The following ZNF616 variants were observed in gnomAD, a reference collection of about 807,000 sequenced individuals.
The protein encoded by ZNF616 is zinc finger protein 616.
ZNF616 carries 5 observed loss-of-function variants against 7.6 expected under a neutral mutation model. The observed-to-expected ratio is 0.66, with a 90% CI of 0.34 to 1.38. The LOEUF (loss-of-function observed/expected upper bound fraction) is 1.38. Among genes scored for constraint, ZNF616 ranks in the 40% most tolerant of loss-of-function variants. ZNF616 has a pLI of 0.04. For missense variants in ZNF616, 913 were observed against 948.3 expected, an observed-to-expected ratio of 0.96 and a Z score of 0.49; for synonymous variants, 319 against 317.2, an observed-to-expected ratio of 1.01 and a Z score of -0.06.
chr19:52,119,093 T>C (rs563940968), intron 3 of ZNF616, among the ~76,000 whole-genome samples: 1 of 152,298 alleles, frequency 6.6e-6, no homozygotes, highest in Admixed American at 6.5e-5. Flanking sequence ...ATCTGAGTCA[T>C]CATTCCCTGC....
In ZNF616 at chr19:52,113,362, C is replaced by T. The variant is rs2088787567; in HGVS notation, c.*1456G>A. On this transcript the variant is annotated 3_prime_UTR_variant, in exon 4 of 4. Transcript: ENST00000600228. The stretch of plus-strand genomic sequence containing the variant: ...GATAATTTGGTAAAGGCTGAAGACA[C>T]ACTACTGCTTCCAGGTCCTTTCATG... The T allele has an allele frequency of 6.6e-6, 1 of 152,208 alleles. No homozygotes were observed. Among genetic ancestry groups the T allele is most frequent in the African/African-American group, 2.4e-5 (1 of 41,458 alleles). 9.4% of individuals were successfully genotyped at this position (152,208 alleles called of 1,614,324 possible). A position where few individuals can be genotyped will look rare whatever the true frequency, so the allele number is the denominator to read the frequency against.
chr19:52,115,567 G>A lies in ZNF616; in HGVS notation c.1597C>T (p.Arg533Cys), dbSNP rs772991428. Residue 533 changes from arginine (R) to cysteine (C), a missense_variant, in exon 4 of 4, where the codon CGT becomes TGT. Coordinates refer to ENST00000600228, the MANE Select transcript of ZNF616 (RefSeq NM_178523.5). ...CKECGKVFSD[R>C]SAFARHRRIH... The stretch of plus-strand genomic sequence containing the variant: ...CTCCGATGCCTTGCAAAAGCTGAAC[G>A]GTCACTGAAGACCTTGCCACATTCT... 1.4e-5 allele frequency: 23 copies of A among 1,612,516 alleles called. No individual in the cohort carries two copies. The highest frequency in any genetic ancestry group is 1.7e-4 in the Middle Eastern group (1 of 6,058).
At chr19:52,127,574 T>TA (rs1484944164) in intron 2 of ZNF616, among the ~76,000 whole-genome samples, 2 of 152,156 alleles carry the variant, frequency 1.3e-5, no homozygotes, top group Admixed American at 6.5e-5. Context: ...TATTAGATCT[T>TA]AAAAAAACAC....
At position 52,116,050 on chromosome 19, in the gene ZNF616, G is replaced by C. The variant is rs201163492; in HGVS notation, c.1114C>G (p.Arg372Gly). 1.2e-6 allele frequency: 2 copies of C among 1,613,988 alleles called. No homozygotes were observed. The highest frequency in any genetic ancestry group is 2.2e-5 in the East Asian group (1 of 44,900). Residue 372 changes from arginine to glycine, a missense_variant, in exon 4 of 4, where the codon CGG becomes GGG. By Grantham distance (125) the Arg-to-Gly change is moderately radical. Coordinates refer to ENST00000600228, the MANE Select transcript of ZNF616 (RefSeq NM_178523.5). ...FRHRSNLVCH[R>G]RIHSGEKQYK... ...TGTTTCTCTCCACTGTGGATTCTCC[G>C]GTGACATACAAGATTTGATCTATGT...
At position 52,114,798 on chromosome 19, in the gene ZNF616, T is replaced by C. The variant is rs2088800561; in HGVS notation, c.*20A>G. ...CAGTAAGTAGGAATTATTCGGTGAT[T>C]CCAGAAACTAGGACAACGTCTAAGG... On this transcript the variant is annotated 3_prime_UTR_variant, in exon 4 of 4. Transcript: ENST00000600228. The C allele has an allele frequency of 7.2e-6, 11 of 1,536,216 alleles. No individual in the cohort carries two copies. In the East Asian group the frequency reaches 2.5e-4, roughly 35 times the overall value.
In ZNF616 at chr19:52,116,543, A is replaced by G; in HGVS notation, c.621T>C (p.His207=). 6.2e-7 allele frequency: 1 copy of G among 1,614,114 alleles called. No homozygotes were observed. Among genetic ancestry groups the G allele is most frequent in the Non-Finnish European group, 8.5e-7 (1 of 1,180,012 alleles). Residue 207 remains histidine, a synonymous_variant, in exon 4 of 4, where the codon CAT becomes CAC. Transcript: ENST00000600228. ...TGCATTTGTAAGGTTTCTCTGTAGT[A>G]TGTATCCTCTGATGATTAATAAGGC... ...SSSLINHQRI[H]TTEKPYKCNE...
chr19:52,125,762 G>A (rs1215312210), intron 2 of ZNF616, among the ~76,000 whole-genome samples: 1 of 152,178 alleles, frequency 6.6e-6, no homozygotes, highest in Non-Finnish European at 1.5e-5. Flanking sequence ...TTGCCTTAGT[G>A]GTGACCTCCT....
intron 1 of ZNF616, among the ~76,000 whole-genome samples, chr19:52,134,427 C>G (rs1248324022): frequency 6.6e-6 from 1 of 152,188 alleles, no homozygotes; most frequent in Non-Finnish European, 1.5e-5. Context: ...GCAAATTAAT[C>G]AAACCTTTGG....
At chr19:52,127,925 G>A (rs898415817) in intron 2 of ZNF616, among the ~76,000 whole-genome samples, 3 of 152,158 alleles carry the variant, frequency 2.0e-5, no homozygotes, top group African/African-American at 4.8e-5. Flanking sequence ...ATAATGACAC[G>A]TAAATGCATC....
chr19:52,134,171 GTCA>G (rs1035605253), intron 1 of ZNF616, among the ~76,000 whole-genome samples: 19 of 152,186 alleles, frequency 1.2e-4, no homozygotes, highest in African/African-American at 4.6e-4. Flanking sequence ...CTTGAAATAA[GTCA>G]CGTTTAGGAA....
At position 52,130,527 on chromosome 19, in the gene ZNF616, C is replaced by CAA; in HGVS notation, c.-16_-15insTT. On this transcript the variant is annotated 5_prime_UTR_variant, in exon 2 of 4. Transcript: ENST00000600228. ...TGAGTAGCCATCACTGACTCCTTTT[C>CAA]CTTCCTCTTCTTCCTCTTCTGGGTT... 6.2e-7 allele frequency: 1 copy of CAA among 1,607,638 alleles called. No individual in the cohort carries two copies.
In ZNF616 at chr19:52,117,022, T is replaced by C; in HGVS notation, c.142A>G (p.Ile48Val). The stretch of plus-strand genomic sequence containing the variant: ...TCCTTGATCACACATTTAGGAGAGA[T>C]ACCTGCAAAATATAATGAACATGAG... ...ENYRNLVFLG[I>V]SPKCVIKELP... The change falls in exon 4 of 4, where the codon ATC becomes GTC. Residue 48 changes from isoleucine to valine, a missense_variant and splice_region_variant. Transcript: ENST00000600228. The C allele has an allele frequency of 1.3e-6, 2 of 1,554,152 alleles. No homozygotes were observed. Among genetic ancestry groups the C allele is most frequent in the Non-Finnish European group, 1.7e-6 (2 of 1,156,646 alleles).
rs771231573 is a variant in ZNF616, at chr19:52,116,405, A to T, written c.759T>A (p.Asn253Lys). 3.1e-6 allele frequency: 5 copies of T among 1,611,608 alleles called. No homozygotes were observed. Among genetic ancestry groups the T allele is most frequent in the South Asian group, 1.1e-5 (1 of 90,962 alleles). Residue 253 changes from asparagine (N) to lysine (K), a missense_variant, in exon 4 of 4, where the codon AAT becomes AAA. Coordinates refer to ENST00000600228, the MANE Select transcript of ZNF616 (RefSeq NM_178523.5). ...CDVCGKIFRK[N>K]SYFVRHQRSH... ...TCCTTTGGTGTCTTACAAAATATGA[A>T]TTTTTTCTGAAGATCTTGCCACATA...
rs749993008 is a variant in ZNF616 at position 52,116,358 on chromosome 19, T to C, written c.806A>G (p.Tyr269Cys). 6 of 1,614,186 alleles carry C rather than the reference T, an allele frequency of 3.7e-6. No individual in the cohort carries two copies. Among genetic ancestry groups the C allele is most frequent in the African/African-American group, 1.3e-5 (1 of 75,050 alleles). The change falls in exon 4 of 4, where the codon TAC becomes TGC. Residue 269 changes from tyrosine (Y) to cysteine (C), a missense_variant. Tyr to Cys is a radical substitution (Grantham distance 194). Coordinates refer to ENST00000600228, the MANE Select transcript of ZNF616 (RefSeq NM_178523.5). Reference sequence around the variant, plus strand: ...GGACTTGCCACATTCATTACATATGTAGGGTTTCTGTCCAGTGTGACTCCT... The same window carrying C: ...GGACTTGCCACATTCATTACATATGCAGGGTTTCTGTCCAGTGTGACTCCT... ...HQRSHTGQKP[Y>C]ICNECGKSFS...
chr19:52,114,806 C>A lies in ZNF616; in HGVS notation c.*12G>T. On this transcript the variant is annotated 3_prime_UTR_variant, in exon 4 of 4. Coordinates refer to ENST00000600228, the MANE Select transcript of ZNF616 (RefSeq NM_178523.5). The stretch of plus-strand genomic sequence containing the variant: ...AGGAATTATTCGGTGATTCCAGAAA[C>A]TAGGACAACGTCTAAGGCCTTGTCA... 2 of 1,540,880 alleles carry A rather than the reference C, an allele frequency of 1.3e-6. No homozygotes were observed. The highest frequency in any genetic ancestry group is 2.6e-5 in the South Asian group (2 of 77,516).
At chr19:52,134,808 A>G (rs967598827) in intron 1 of ZNF616, among the ~76,000 whole-genome samples, 7 of 152,094 alleles carry the variant, frequency 4.6e-5, no homozygotes, top group African/African-American at 1.7e-4. Context: ...CTCTCCCCAA[A>G]CTGCCTCCCC....
chr19:52,122,099 CAA>C (rs34759277), intron 3 of ZNF616, among the ~76,000 whole-genome samples: 24 of 130,594 alleles, frequency 1.8e-4, no homozygotes, highest in Admixed American at 1.5e-4. Context: ...GCACTTGTTC[CAA>C]AAAAAAAAAA....
chr19:52,115,728 C>T lies in ZNF616; in HGVS notation c.1436G>A (p.Arg479Gln), dbSNP rs766854899. The T allele has an allele frequency of 1.9e-5, 31 of 1,613,432 alleles. No homozygotes were observed. The highest frequency in any genetic ancestry group is 5.4e-5 in the African/African-American group (4 of 74,766). ...ECGKVFSIHS[R>Q]LAAHQRIHTG... ...ATGAATTCTCTGATGAGCTGCAAGT[C>T]GTGAATGTATGCTGAAAACTTTGCC... Residue 479 changes from arginine (R) to glutamine (Q), a missense_variant, in exon 4 of 4, where the codon CGA (arginine) becomes CAA (glutamine). Transcript: ENST00000600228.
chr19:52,124,063 C>T lies in ZNF616; in HGVS notation c.13-14G>A. Reference sequence around the variant, plus strand: ...TGTCAAATGCCCCTGAAATGAAAAACACATTTCAAAAAGAAGCAATATGAG... The same window carrying T: ...TGTCAAATGCCCCTGAAATGAAAAATACATTTCAAAAAGAAGCAATATGAG... On this transcript the variant is annotated splice_polypyrimidine_tract_variant and intron_variant, in intron 2 of 3. Transcript: ENST00000600228. 1 of 1,586,886 alleles carries T rather than the reference C, an allele frequency of 6.3e-7. No homozygotes were observed. Among genetic ancestry groups the T allele is most frequent in the Non-Finnish European group, 8.5e-7 (1 of 1,172,544 alleles).
Sources: allele counts gnomAD v4.1 joint callset (sites outside exome capture counted in the v4.1 genomes callset), GRCh38; gene constraint gnomAD v4.1.1; transcripts MANE v1.5; gene names NCBI Gene and HGNC (gene_info 2026-07-23, HGNC 2026-07-21).